The following SCNN1B variants were observed in gnomAD, a reference collection of about 807,000 sequenced individuals.
SCNN1B encodes the protein sodium channel epithelial 1 subunit beta.
A neutral mutation model predicts 65.3 loss-of-function variants in SCNN1B; 46 were observed. That is an observed-to-expected ratio of 0.70 (90% CI 0.56 to 0.90). The LOEUF (loss-of-function observed/expected upper bound fraction) is 0.90. Ranked by LOEUF, SCNN1B falls within the 40% of genes least tolerant of loss-of-function variation. The probability of loss-of-function intolerance (pLI) is 0.00; values close to 1 mark genes in which losing one functional copy is unlikely to be tolerated. For synonymous variants in SCNN1B, 349 were observed against 330.6 expected (o/e 1.06, Z -0.60); for missense variants, 751 against 830.5 (o/e 0.90, Z 1.18).
At chr16:23,280,627 G>A (rs1443127090) in intron 1 of SCNN1B, among the ~76,000 whole-genome samples, 11 of 152,232 alleles carry the variant, frequency 7.2e-5, no homozygotes, top group Non-Finnish European at 1.3e-4. Flanking sequence ...ATCAGGAGGC[G>A]AACTCAAATA....
At chr16:23,350,805 C>G (rs184128977) in intron 2 of SCNN1B, among the ~76,000 whole-genome samples, 146 of 152,184 alleles carry the variant, frequency 9.6e-4, no homozygotes, top group African/African-American at 3.1e-3. Flanking sequence ...CCCAGCTACT[C>G]AGGAGGCTGA....
intron 1 of SCNN1B, among the ~76,000 whole-genome samples, chr16:23,281,527 A>G (rs1004056093): frequency 2.0e-5 from 3 of 152,366 alleles, no homozygotes; most frequent in Admixed American, 1.3e-4. Flanking sequence ...ATGGAGGCAC[A>G]GAGAAAGAAG....
chr16:23,341,210 T>C (rs760793075), intron 1 of SCNN1B, among the ~76,000 whole-genome samples: 1 of 152,146 alleles, frequency 6.6e-6, no homozygotes, highest in Non-Finnish European at 1.5e-5. Flanking sequence ...GACAATTAAA[T>C]GGGAGAAAGA....
chr16:23,349,006 C>A, intron 2 of SCNN1B, 96 bp downstream of exon 2: 1 of 1,023,070 alleles, frequency 9.8e-7, no homozygotes, highest in Non-Finnish European at 1.5e-6. Context: ...TCCTTTCCTT[C>A]CTTCTCCTTT....
chr16:23,293,966 T>C (rs917051363), intron 2 of SCNN1B, among the ~76,000 whole-genome samples: 5 of 152,098 alleles, frequency 3.3e-5, no homozygotes, highest in Non-Finnish European at 5.9e-5. Flanking sequence ...ATGTCATGCA[T>C]ATATGTATAT....
intron 1 of SCNN1B, among the ~76,000 whole-genome samples, chr16:23,337,264 G>A (rs1411835981): frequency 6.6e-6 from 1 of 151,936 alleles, no homozygotes; most frequent in Non-Finnish European, 1.5e-5. Context: ...ATGTTACCTG[G>A]GCTGGTTTCA....
At chr16:23,319,790 C>T (rs531075671) in intron 1 of SCNN1B, among the ~76,000 whole-genome samples, 119 of 151,780 alleles carry the variant, frequency 7.8e-4, no homozygotes, top group African/African-American at 2.8e-3. Flanking sequence ...TTTTTTGACA[C>T]AGGGTCTTGC....
intron 1 of SCNN1B, among the ~76,000 whole-genome samples, chr16:23,331,286 A>G (rs1961806399): frequency 6.6e-6 from 1 of 150,616 alleles, no homozygotes; most frequent in South Asian, 2.1e-4. Context: ...AACAGCCCAG[A>G]TGACAAAGTT....
intron 4 of SCNN1B, among the ~76,000 whole-genome samples, chr16:23,360,209 T>TAAATAAATAAATAAATAAAC (rs970771869): frequency 6.7e-6 from 1 of 149,800 alleles, no homozygotes; most frequent in Non-Finnish European, 1.5e-5. Flanking sequence ...AAAAAATAAA[T>TAAATAAATAAATAAATAAAC]AAATAAATAA....
intron 1 of SCNN1B, among the ~76,000 whole-genome samples, chr16:23,346,024 GCCATAAC>G (rs1457860497): frequency 1.3e-5 from 2 of 152,016 alleles, no homozygotes; most frequent in Non-Finnish European, 2.9e-5. Flanking sequence ...ACCCTCATGT[GCCATAAC>G]AAGTACCTGG....
intron 1 of SCNN1B, among the ~76,000 whole-genome samples, chr16:23,324,231 A>G (rs1185219918): frequency 2.0e-5 from 3 of 147,928 alleles, no homozygotes; most frequent in African/African-American, 7.6e-5. Context: ...TCTGTTGTCC[A>G]GGGTGGAGTG....
chr16:23,280,155 C>T (rs1202040610), intron 1 of SCNN1B, among the ~76,000 whole-genome samples: 1 of 152,114 alleles, frequency 6.6e-6, no homozygotes, highest in Non-Finnish European at 1.5e-5. Flanking sequence ...AGGGGCTTTG[C>T]GTTCATCCTC....
At chr16:23,300,750 T>G (rs1961063845), upstream of SCNN1B, among the ~76,000 whole-genome samples, 1 of 152,128 alleles carries the variant, frequency 6.6e-6, no homozygotes, top group Non-Finnish European at 1.5e-5. Flanking sequence ...GAAGATGGCT[T>G]GAGCCCAAGA....
At chr16:23,318,243 C>T (rs1961513004) in intron 1 of SCNN1B, among the ~76,000 whole-genome samples, 1 of 152,224 alleles carries the variant, frequency 6.6e-6, no homozygotes, top group Non-Finnish European at 1.5e-5. Context: ...CTGCTACTTA[C>T]TCTCACTGTG....
At chr16:23,344,894 T>C (rs558902617) in intron 1 of SCNN1B, among the ~76,000 whole-genome samples, 47 of 152,168 alleles carry the variant, frequency 3.1e-4, no homozygotes, top group African/African-American at 9.6e-4. Flanking sequence ...CTCAAGTGGC[T>C]AAGGTGGGAG....
At chr16:23,347,320 G>C (rs888328783) in intron 1 of SCNN1B, among the ~76,000 whole-genome samples, 8 of 151,986 alleles carry the variant, frequency 5.3e-5, no homozygotes, top group African/African-American at 1.9e-4. Flanking sequence ...GCTAGGCTCA[G>C]TCCATAGCAC....
intron 4 of SCNN1B, among the ~76,000 whole-genome samples, chr16:23,356,889 C>G (rs1962432470): frequency 6.6e-6 from 1 of 152,114 alleles, no homozygotes; most frequent in Admixed American, 6.6e-5. Context: ...CCATTCTATC[C>G]CCTCCTAACA....
At chr16:23,343,607 G>T (rs1396368502) in intron 1 of SCNN1B, among the ~76,000 whole-genome samples, 1 of 99,556 alleles carries the variant, frequency 1.0e-5, no homozygotes, top group Admixed American at 1.0e-4. Context: ...AAGAAAGAAA[G>T]AAAGAAAGAA....
At chr16:23,296,784 G>A (rs111794476) in intron 2 of SCNN1B, among the ~76,000 whole-genome samples, 9,164 of 152,056 alleles carry the variant, frequency 0.06, 953 homozygotes, top group African/African-American at 0.21. Context: ...GGCAGATCAC[G>A]GGGTCAGGAG....
Sources: allele counts gnomAD v4.1 joint callset (sites outside exome capture counted in the v4.1 genomes callset), GRCh38; gene constraint gnomAD v4.1.1; transcripts MANE v1.5; gene names NCBI Gene and HGNC (gene_info 2026-07-23, HGNC 2026-07-21).